Variants in ORC3 observed in about 807,000 individuals in gnomAD.
ORC3 encodes homolog of latheo, Drosophila.
ORC3 carries 78 observed loss-of-function variants against 100.7 expected under a neutral mutation model. The ratio of observed to expected loss-of-function variants is 0.77; its 90% CI spans 0.65 to 0.94. The LOEUF (loss-of-function observed/expected upper bound fraction) is 0.94, where lower values mean the gene tolerates loss of function less well. Ranked by LOEUF, ORC3 falls within the 40% of genes least tolerant of loss-of-function variation. The probability of loss-of-function intolerance (pLI) is 0.00; values close to 1 mark genes in which losing one functional copy is unlikely to be tolerated. For synonymous variants in ORC3, 295 were observed against 289.3 expected (o/e 1.02, Z -0.20); for missense variants, 789 against 823.9 (o/e 0.96, Z 0.52).
intron 11 of ORC3, among the ~76,000 whole-genome samples, chr6:87,627,297 C>CTTTTTTTTTTT (rs71554739): frequency 1.8e-5 from 2 of 113,430 alleles, no homozygotes; most frequent in Non-Finnish European, 3.5e-5. Context: ...CCGCGCCCAG[C>CTTTTTTTTTTT]TTTTTTTTTT....
chr6:87,616,434 A>G lies in ORC3; in HGVS notation c.987+7A>G, dbSNP rs768351565. The G allele has an allele frequency of 1.8e-6, 2 of 1,092,952 alleles. No individual in the cohort carries two copies. The highest frequency in any genetic ancestry group is 3.5e-5 in the Admixed American group (2 of 57,622). 67.7% of individuals were successfully genotyped at this position (1,092,952 alleles called of 1,614,324 possible). ...CTTTATAAAAGGACTTCAGGTAAGAACACAGTAATGGGTTTGAAAATTCTC... is the reference window on the plus strand; with the variant it reads ...CTTTATAAAAGGACTTCAGGTAAGAGCACAGTAATGGGTTTGAAAATTCTC... On this transcript the variant is annotated splice_region_variant and intron_variant, in intron 9 of 19. Transcript: ENST00000392844.
At chr6:87,669,642 A>C (rs964581095), downstream of ORC3, among the ~76,000 whole-genome samples, 4 of 152,236 alleles carry the variant, frequency 2.6e-5, no homozygotes, top group Non-Finnish European at 5.9e-5. Context: ...TAAGTCACTG[A>C]GATTCCATGA....
In ORC3 at chr6:87,590,152, G is replaced by A. The variant is rs771671266; in HGVS notation, c.-17G>A. 18 of 1,613,812 alleles carry A rather than the reference G, an allele frequency of 1.1e-5. 1 individual carries two copies. The highest frequency in any genetic ancestry group is 1.6e-4 in the Middle Eastern group (1 of 6,084). On this transcript the variant is annotated 5_prime_UTR_variant, in exon 1 of 20. Coordinates refer to ENST00000392844, the MANE Select transcript of ORC3 (RefSeq NM_012381.4). ...GAAATCCCGAGTGCATCTGGAATAC[G>A]CAGAGTCAGTAAGACCATGGCTACG...
In ORC3 at chr6:87,657,185, C is replaced by T. The variant is rs543092067; in HGVS notation, c.1593+203C>T. ...ACTCTACATATACACATTCTGGAAC[C>T]TACTAGCTAACATAGGTGGAAACCA... On this transcript the variant is annotated intron_variant, in intron 15 of 19. Coordinates refer to ENST00000392844, the MANE Select transcript of ORC3 (RefSeq NM_012381.4). 7.2e-6 allele frequency: 3 copies of T among 418,458 alleles called. No homozygotes were observed. In the South Asian group the frequency reaches 9.6e-5, roughly 13 times the overall value. 25.9% of individuals were successfully genotyped at this position (418,458 alleles called of 1,614,324 possible). A position where few individuals can be genotyped will look rare whatever the true frequency, so the allele number is the denominator to read the frequency against.
intron 14 of ORC3, 22 bp from the exon 15 acceptor site, chr6:87,656,884 A>G (rs1075665): frequency 0.32 from 509,703 of 1,568,482 alleles, 84,764 homozygotes; most frequent in Admixed American, 0.47. Context: ...ATTGATGTCT[A>G]CTGGTTTTGT....
chr6:87,640,380 T>C (rs901642376), intron 13 of ORC3, among the ~76,000 whole-genome samples: 1 of 152,236 alleles, frequency 6.6e-6, no homozygotes, highest in African/African-American at 2.4e-5. Context: ...CAGACATTCA[T>C]GTGTGTGGGG....
At position 87,657,363 on chromosome 6, in the gene ORC3, T is replaced by C. The variant is rs541214829; in HGVS notation, c.1593+381T>C. ...CCTAACTAATTAGTTTTAGTTACTT[T>C]CCTTGATTTTTTAAAATGCATATTC... On this transcript the variant is annotated intron_variant, in intron 15 of 19. Transcript: ENST00000392844. Among the ~76,000 whole-genome samples the C allele has an allele frequency of 4.3e-3, 648 of 152,350 alleles. 3 individuals are homozygous for C. Among genetic ancestry groups the C allele is most frequent in the African/African-American group, 0.015 (622 of 41,586 alleles).
At position 87,607,893 on chromosome 6, in the gene ORC3, G is replaced by A. The variant is rs1282716356; in HGVS notation, c.579+69G>A. ...ATTGATGTGGCTTGGAATAATATTA[G>A]ACAGTACTGTTTTGATCTAACAAGG... On this transcript the variant is annotated intron_variant, in intron 6 of 19. Coordinates refer to ENST00000392844, the MANE Select transcript of ORC3 (RefSeq NM_012381.4). 4.6e-6 allele frequency: 5 copies of A among 1,092,122 alleles called. No individual in the cohort carries two copies. In the Admixed American group the frequency reaches 1.0e-4, roughly 22 times the overall value. 67.7% of individuals were successfully genotyped at this position (1,092,122 alleles called of 1,614,324 possible). A position where few individuals can be genotyped will look rare whatever the true frequency, so the allele number is the denominator to read the frequency against.
chr6:87,623,808 T>C (rs918899190), intron 11 of ORC3, among the ~76,000 whole-genome samples: 1 of 151,938 alleles, frequency 6.6e-6, no homozygotes, highest in Non-Finnish European at 1.5e-5. Flanking sequence ...CACTGGAACC[T>C]GGGAGGTGGA....
At chr6:87,672,071 T>TC (rs766796053), downstream of ORC3, among the ~76,000 whole-genome samples, 9 of 151,998 alleles carry the variant, frequency 5.9e-5, no homozygotes, top group Non-Finnish European at 1.0e-4. Context: ...AATTGAATCG[T>TC]GTTTGGGGGA....
intron 13 of ORC3, among the ~76,000 whole-genome samples, chr6:87,646,126 A>G (rs944367753): frequency 9.2e-5 from 14 of 151,494 alleles, no homozygotes; most frequent in Non-Finnish European, 1.6e-4. Context: ...AGCCGGGACT[A>G]CAGGCGCCTG....
intron 6 of ORC3, 90 bp from the exon 7 acceptor site, chr6:87,609,006 T>TA: frequency 9.5e-7 from 1 of 1,054,090 alleles, no homozygotes; most frequent in Non-Finnish European, 1.3e-6. Context: ...TTGTGAAATT[T>TA]AAAGAGAGAT....
chr6:87,597,942 C>T (rs943529068), intron 2 of ORC3, among the ~76,000 whole-genome samples: 3 of 152,124 alleles, frequency 2.0e-5, no homozygotes, highest in African/African-American at 7.2e-5. Context: ...TCATTAGGGA[C>T]ACATAGCATG....
chr6:87,663,113 C>T lies in ORC3; in HGVS notation c.1802C>T (p.Thr601Ile), dbSNP rs1227688214. 4.3e-6 allele frequency: 7 copies of T among 1,612,496 alleles called. No individual in the cohort carries two copies. Among genetic ancestry groups the T allele is most frequent in the Non-Finnish European group, 5.1e-6 (6 of 1,179,010 alleles). ...LNAAPRIALH[T>I]ALNNPYYYLK... ...GCTGCTCCGCGAATTGCCCTCCATA[C>T]TGCACTCAACAATCCTTACTATTAT... The change falls in exon 17 of 20, where the codon ACT becomes ATT. Residue 601 changes from threonine (T) to isoleucine (I), a missense_variant. Physicochemically the swap from Thr to Ile is moderately conservative, Grantham distance 89. This residue lies in a region of ORC3 where 366 missense variants were observed against 394.2 expected (regional missense o/e 0.93). Coordinates refer to ENST00000392844, the MANE Select transcript of ORC3 (RefSeq NM_012381.4).
the ORC3 span, among the ~76,000 whole-genome samples, chr6:87,677,364 T>G: frequency 2.0e-5 from 3 of 152,218 alleles, no homozygotes; most frequent in African/African-American, 7.2e-5. Flanking sequence ...AACATTCTAT[T>G]TATGTTACCA....
Position 87,621,999 on chromosome 6 carries a change from G to A in ORC3, c.1171G>A (p.Glu391Lys), listed in dbSNP as rs896169143. The change falls in exon 11 of 20, where the codon GAG becomes AAG. Residue 391 changes from glutamate (E) to lysine (K), a missense_variant. This residue lies in a region of ORC3 where 366 missense variants were observed against 394.2 expected (regional missense o/e 0.93). Transcript: ENST00000392844. ...AAAGCAAGTTGCGCTCTTGACCAAT[G>A]AGAGATATTTGAAGGTAGGAATGTG... ...SEKQVALLTN[E>K]RYLKEETQLL... 6.2e-7 allele frequency: 1 copy of A among 1,607,394 alleles called. No homozygotes were observed. Among genetic ancestry groups the A allele is most frequent in the African/African-American group, 1.3e-5 (1 of 74,750 alleles).
chr6:87,663,139 C>T lies in ORC3; in HGVS notation c.1828C>T (p.Leu610Phe). 6.2e-7 allele frequency: 1 copy of T among 1,609,348 alleles called. No homozygotes were observed. Among genetic ancestry groups the T allele is most frequent in the South Asian group, 1.1e-5 (1 of 90,738 alleles). ...TGCACTCAACAATCCTTACTATTAT[C>T]TCAAGGTAAGATGAACATTTAGTTT... ...HTALNNPYYY[L>F]KNEALKSEEG... Residue 610 changes from leucine (L) to phenylalanine (F), a missense_variant, in exon 17 of 20, where the codon CTC becomes TTC. Transcript: ENST00000392844.
At chr6:87,659,634 C>G (rs1056623819) in intron 16 of ORC3, among the ~76,000 whole-genome samples, 1 of 152,022 alleles carries the variant, frequency 6.6e-6, no homozygotes, top group African/African-American at 2.4e-5. Flanking sequence ...GTAATCCCAG[C>G]ATCTTGGGAG....
chr6:87,592,331 T>A (rs937317911), intron 1 of ORC3, among the ~76,000 whole-genome samples: 3 of 152,196 alleles, frequency 2.0e-5, no homozygotes, highest in African/African-American at 7.2e-5. Context: ...GTTGCAGATA[T>A]AAGAATATAA....
Sources: gnomAD v4.1 joint callset for allele counts (sites outside exome capture counted in the v4.1 genomes callset) on GRCh38, gnomAD v4.1.1 for gene constraint, gnomAD v4.1.1 regional missense constraint, MANE v1.5 for transcripts, NCBI Gene and HGNC (gene_info 2026-07-23, HGNC 2026-07-21) for gene names.